Variants in PDZRN3 observed in about 807,000 individuals in gnomAD.
The protein encoded by PDZRN3 is PDZ domain containing ring finger 3, also known as E3 ubiquitin-protein ligase PDZRN3.
In PDZRN3, 38 loss-of-function variants were observed where a neutral mutation model predicts 85.7. The observed-to-expected ratio is 0.44, with a 90% confidence interval of 0.34 to 0.58. The LOEUF (loss-of-function observed/expected upper bound fraction) is 0.58. PDZRN3 is among the 20% of genes least tolerant of loss of function. PDZRN3 has a pLI of 0.01. For missense variants in PDZRN3, 1,629 were observed against 1,506.4 expected, an observed-to-expected ratio of 1.08 and a Z score of -1.35; for synonymous variants, 759 against 638.0, an observed-to-expected ratio of 1.19 and a Z score of -2.86.
chr3:73,595,529 T>G (rs190256552), intron 3 of PDZRN3, among the ~76,000 whole-genome samples: 4 of 152,298 alleles, frequency 2.6e-5, no homozygotes, highest in Admixed American at 6.5e-5. Flanking sequence ...AAGTCTTTCT[T>G]AAAGAAATGA....
At chr3:73,589,667 TCAC>T (rs1270089747) in intron 3 of PDZRN3, among the ~76,000 whole-genome samples, 1 of 152,190 alleles carries the variant, frequency 6.6e-6, no homozygotes, top group Admixed American at 6.5e-5. Context: ...GATTTCCTTG[TCAC>T]CACTTTACAT....
chr3:73,458,703 A>C (rs551842008), intron 3 of PDZRN3, among the ~76,000 whole-genome samples: 69 of 151,724 alleles, frequency 4.5e-4, no homozygotes, highest in Non-Finnish European at 8.4e-4. Context: ...TAAAGGAAAG[A>C]GGTTTGGGCT....
At chr3:73,441,649 A>G (rs1334338447) in intron 3 of PDZRN3, among the ~76,000 whole-genome samples, 1 of 152,168 alleles carries the variant, frequency 6.6e-6, no homozygotes, top group Non-Finnish European at 1.5e-5. Flanking sequence ...CCAAGAGCAC[A>G]CAGCCTGCAA....
intron 3 of PDZRN3, among the ~76,000 whole-genome samples, chr3:73,420,303 C>T (rs1000120567): frequency 1.2e-4 from 18 of 152,140 alleles, no homozygotes; most frequent in African/African-American, 4.1e-4. Context: ...GTGCTGGCTG[C>T]GCTGGTGCAT....
At chr3:73,602,317 T>C in intron 3 of PDZRN3, 37 bp downstream of exon 3, 1 of 1,093,602 alleles carries the variant, frequency 9.1e-7, no homozygotes, top group Non-Finnish European at 1.4e-6. Flanking sequence ...GGGATGGCAT[T>C]CAGCCTATTC....
chr3:73,541,708 A>C (rs1704925900), intron 3 of PDZRN3, among the ~76,000 whole-genome samples: 1 of 152,240 alleles, frequency 6.6e-6, no homozygotes, highest in Non-Finnish European at 1.5e-5. Context: ...TTTACCAAGA[A>C]GACTTTCTAG....
At chr3:73,509,065 T>C (rs931494843) in intron 3 of PDZRN3, among the ~76,000 whole-genome samples, 8 of 152,252 alleles carry the variant, frequency 5.3e-5, no homozygotes, top group Non-Finnish European at 1.2e-4. Flanking sequence ...GTGAGGGCTC[T>C]GGTGTTGGTG....
intron 3 of PDZRN3, among the ~76,000 whole-genome samples, chr3:73,520,293 C>G (rs556240747): frequency 6.6e-6 from 1 of 151,986 alleles, no homozygotes; most frequent in Non-Finnish European, 1.5e-5. Context: ...CTGTTTGATC[C>G]CAGAAGTTCA....
chr3:73,433,290 T>TC (rs1200653788), intron 3 of PDZRN3, among the ~76,000 whole-genome samples: 1 of 152,084 alleles, frequency 6.6e-6, no homozygotes, highest in Non-Finnish European at 1.5e-5. Flanking sequence ...ATCATCCATG[T>TC]CTTCTCTAAC....
intron 3 of PDZRN3, among the ~76,000 whole-genome samples, chr3:73,415,708 A>G (rs1702067516): frequency 6.6e-6 from 1 of 152,190 alleles, no homozygotes; most frequent in African/African-American, 2.4e-5. Flanking sequence ...TGTTCTGAAC[A>G]TATTTAAGGG....
chr3:73,534,903 T>G (rs901178342), intron 3 of PDZRN3, among the ~76,000 whole-genome samples: 2 of 152,202 alleles, frequency 1.3e-5, no homozygotes, highest in African/African-American at 4.8e-5. Flanking sequence ...TGTGTCTTGT[T>G]GAGTGCAGTA....
At chr3:73,541,127 C>T (rs572206408) in intron 3 of PDZRN3, among the ~76,000 whole-genome samples, 1 of 152,232 alleles carries the variant, frequency 6.6e-6, no homozygotes, top group African/African-American at 2.4e-5. Context: ...AAAATGTTGC[C>T]TAACCTCCAT....
Position 73,624,938 on chromosome 3 carries a change from G to A in PDZRN3, c.-113C>T. The stretch of plus-strand genomic sequence containing the variant: ...CCCGCGCGCTCGCTGGCTCTCCCCG[G>A]ACTGAGCCTAATTGATCCAGACTTC... On this transcript the variant is annotated 5_prime_UTR_variant, in exon 1 of 10. Coordinates refer to ENST00000263666, the MANE Select transcript of PDZRN3 (RefSeq NM_015009.3). 1.3e-6 allele frequency: 1 copy of A among 798,192 alleles called. No homozygotes were observed. Among genetic ancestry groups the A allele is most frequent in the Non-Finnish European group, 1.7e-6 (1 of 592,976 alleles). 49.4% of individuals were successfully genotyped at this position (798,192 alleles called of 1,614,324 possible).
chr3:73,540,187 A>G (rs918259366), intron 3 of PDZRN3, among the ~76,000 whole-genome samples: 1 of 151,802 alleles, frequency 6.6e-6, no homozygotes, highest in Non-Finnish European at 1.5e-5. Context: ...CTCATAAAAT[A>G]GGAAAAAGTC....
At chr3:73,413,880 G>A (rs1298988143) in intron 3 of PDZRN3, among the ~76,000 whole-genome samples, 5 of 152,198 alleles carry the variant, frequency 3.3e-5, no homozygotes, top group Non-Finnish European at 7.3e-5. Context: ...AGTCAGCTGA[G>A]TCTACTGACC....
chr3:73,444,930 TG>T (rs1702718899), intron 3 of PDZRN3, among the ~76,000 whole-genome samples: 1 of 152,196 alleles, frequency 6.6e-6, no homozygotes, highest in Non-Finnish European at 1.5e-5. Context: ...GTACATGGGC[TG>T]TGGTGCCTAG....
At chr3:73,461,018 T>C (rs1267715502) in intron 3 of PDZRN3, among the ~76,000 whole-genome samples, 1 of 152,182 alleles carries the variant, frequency 6.6e-6, no homozygotes, top group Non-Finnish European at 1.5e-5. Flanking sequence ...GGTCTCAAAC[T>C]CCTGACCTCA....
chr3:73,433,955 T>G, intron 3 of PDZRN3: 2 of 1,334,202 alleles, frequency 1.5e-6, no homozygotes. Context: ...CACACAGACA[T>G]ACACGCACAC....
At position 73,385,025 on chromosome 3, in the gene PDZRN3, G is replaced by A. The variant is rs369821566; in HGVS notation, c.1636-95C>T. On this transcript the variant is annotated intron_variant, in intron 9 of 9. Coordinates refer to ENST00000263666, the MANE Select transcript of PDZRN3 (RefSeq NM_015009.3). ...TCCTTGCGGTTTCTGGATAGGGCAG[G>A]CTGTACATTTCTAAGGCCAAGGGAC... The A allele has an allele frequency of 1.8e-4, 258 of 1,426,472 alleles. No homozygotes were observed. The East Asian group carries it at 4.7e-3, about 26-fold the overall frequency. The allele number at this position is 1,426,472 out of a possible 1,614,324, so 88.4% of individuals were successfully genotyped here.
Sources: gnomAD v4.1 joint callset for allele counts (sites outside exome capture counted in the v4.1 genomes callset) on GRCh38, gnomAD v4.1.1 for gene constraint, MANE v1.5 for transcripts, NCBI Gene and HGNC (gene_info 2026-07-23, HGNC 2026-07-21) for gene names.